Variants in BACH1 observed in about 807,000 individuals in gnomAD.
The protein encoded by BACH1 is transcription regulator protein BACH1.
A neutral mutation model predicts 52.9 loss-of-function variants in BACH1; 35 were observed. That is an observed-to-expected ratio of 0.66 (90% CI 0.51 to 0.88). The LOEUF is 0.88. Ranked by LOEUF, BACH1 falls within the 40% of genes least tolerant of loss-of-function variation. BACH1 has a pLI of 0.00. For synonymous variants in BACH1, 321 were observed against 319.6 expected (o/e 1.00, Z -0.05); for missense variants, 808 against 872.6 (o/e 0.93, Z 0.93).
intron 2 of BACH1, among the ~76,000 whole-genome samples, chr21:29,324,418 T>C (rs2088885342): frequency 6.6e-6 from 1 of 152,218 alleles, no homozygotes; most frequent in East Asian, 1.9e-4. Flanking sequence ...ATTCTAAAAA[T>C]GTTATATAAA....
Position 29,358,744 on chromosome 21 carries a change from AAAAAG to A in BACH1, c.472+29080_472+29084del, listed in dbSNP as rs758608393. 2.6e-3 allele frequency among the ~76,000 whole-genome samples: 367 copies of A among 139,708 alleles called. 4 individuals carry two copies. The highest frequency in any genetic ancestry group is 3.5e-3 in the African/African-American group (129 of 36,782). The allele number at this position is 139,708 out of a possible 152,430, so 91.7% of individuals were successfully genotyped here. ...GACAGAGTGAGACTCTGTCTCAGAA[AAAAAG>A]AAAAGAAAAGAAAAGAAAAGAAAAG... is the stretch of plus-strand genomic sequence containing the variant. On this transcript the variant is annotated intron_variant, in intron 2 of 4. Transcript: ENST00000422809.
chr21:29,337,480 T>C (rs556107842), intron 4 of BACH1, among the ~76,000 whole-genome samples: 1 of 152,346 alleles, frequency 6.6e-6, no homozygotes, highest in South Asian at 2.1e-4. Context: ...TCTTCACTTC[T>C]GTGTTTATGT....
Position 29,351,707 on chromosome 21 carries a change from G to T in BACH1, c.472+22014G>T, listed in dbSNP as rs560568327. On this transcript the variant is annotated intron_variant, in intron 2 of 4. Transcript: ENST00000422809. ...AGAACTCTGGATACCTGCTCAGACAGCTCTGTTTCAGCTAAACAGTAACAT... is the reference window on the plus strand; with the variant it reads ...AGAACTCTGGATACCTGCTCAGACATCTCTGTTTCAGCTAAACAGTAACAT... The T allele has an allele frequency of 2.0e-4, 109 of 534,730 alleles. 1 individual carries two copies. The highest frequency in any genetic ancestry group is 1.5e-3 in the South Asian group (104 of 71,596). 33.1% of individuals were successfully genotyped at this position (534,730 alleles called of 1,614,324 possible). A position where few individuals can be genotyped will look rare whatever the true frequency, so the allele number is the denominator to read the frequency against.
chr21:29,339,572 T>C (rs2089086841), intron 4 of BACH1, among the ~76,000 whole-genome samples: 1 of 151,890 alleles, frequency 6.6e-6, no homozygotes, highest in African/African-American at 2.4e-5. Context: ...TTTAAAAAAA[T>C]TATATTTGAA....
chr21:29,313,216 A>G (rs979137796), intron 1 of BACH1, among the ~76,000 whole-genome samples: 1 of 152,214 alleles, frequency 6.6e-6, no homozygotes, highest in African/African-American at 2.4e-5. Context: ...AGGTCCATGC[A>G]TGATTTTCAT....
chr21:29,300,245 T>C (rs1465401511), intron 1 of BACH1: 2 of 152,240 alleles, frequency 1.3e-5, no homozygotes, highest in African/African-American at 2.4e-5. Flanking sequence ...TATGTTTCTG[T>C]CAAGTGGTTT....
At position 29,335,420 on chromosome 21, in the gene BACH1, A is replaced by G. The variant is rs538013439; in HGVS notation, c.1776+5727A>G. On this transcript the variant is annotated intron_variant, in intron 4 of 4. Transcript: ENST00000286800. ...TATAAGTATTTGCTGGTGACCCTAC[A>G]TGTTAAATGTTGTGCTTGGTACCAG... Among the ~76,000 whole-genome samples, 18 of 152,332 alleles carry G rather than the reference A, an allele frequency of 1.2e-4. No homozygotes were observed. The South Asian group carries it at 3.7e-3, about 32-fold the overall frequency.
At chr21:29,327,449 C>A (rs2088927133) in intron 3 of BACH1, 56 bp downstream of exon 3, 8 of 1,554,720 alleles carry the variant, frequency 5.1e-6, no homozygotes, top group Non-Finnish European at 6.9e-6. Context: ...TTGGGATTTA[C>A]TGTGGATCAG....
At chr21:29,347,135 G>A (rs779644526), downstream of BACH1, among the ~76,000 whole-genome samples, 5 of 152,222 alleles carry the variant, frequency 3.3e-5, no homozygotes, top group Admixed American at 6.5e-5. Context: ...CCTGGCCAGA[G>A]TTTTGAACCA....
At chr21:29,331,607 C>G (rs1453276834) in intron 4 of BACH1, among the ~76,000 whole-genome samples, 1 of 152,156 alleles carries the variant, frequency 6.6e-6, no homozygotes, top group Non-Finnish European at 1.5e-5. Context: ...TTTCTTCTCC[C>G]TCTGCCTTTC....
downstream of BACH1, among the ~76,000 whole-genome samples, chr21:29,347,238 A>G (rs1259295192): frequency 6.6e-6 from 1 of 152,182 alleles, no homozygotes; most frequent in Non-Finnish European, 1.5e-5. Flanking sequence ...TGAACCTGCT[A>G]AAAGTGCATT....
chr21:29,353,261 G>C (rs1321887289), intron 2 of BACH1, among the ~76,000 whole-genome samples: 1 of 152,162 alleles, frequency 6.6e-6, no homozygotes, highest in Non-Finnish European at 1.5e-5. Context: ...TGGCTAAGTT[G>C]TAAGTAAAAA....
chr21:29,313,733 T>C (rs1315418753), intron 1 of BACH1, among the ~76,000 whole-genome samples: 1 of 152,216 alleles, frequency 6.6e-6, no homozygotes, highest in African/African-American at 2.4e-5. Context: ...TATGTGATTC[T>C]ATTTGTATAA....
At chr21:29,354,271 G>C (rs1266919179) in intron 2 of BACH1, among the ~76,000 whole-genome samples, 1 of 152,002 alleles carries the variant, frequency 6.6e-6, no homozygotes, top group Non-Finnish European at 1.5e-5. Flanking sequence ...AGTCAGGAGA[G>C]GGGTGAGAAG....
intron 1 of BACH1, among the ~76,000 whole-genome samples, chr21:29,310,703 A>G (rs974336493): frequency 1.3e-5 from 2 of 152,236 alleles, no homozygotes; most frequent in African/African-American, 2.4e-5. Flanking sequence ...GGAATGATCA[A>G]CTTGTTAACT....
chr21:29,306,169 AGTGTGTGT>A (rs61571512), intron 1 of BACH1, among the ~76,000 whole-genome samples: 6,610 of 141,252 alleles, frequency 0.047, 153 homozygotes, highest in African/African-American at 0.054. Flanking sequence ...GGTCAGGAAG[AGTGTGTGT>A]GTGTGTGTGT....
At chr21:29,351,244 G>C (rs532464853) in intron 2 of BACH1, among the ~76,000 whole-genome samples, 1 of 152,222 alleles carries the variant, frequency 6.6e-6, no homozygotes, top group Non-Finnish European at 1.5e-5. Flanking sequence ...TTGATATGCA[G>C]GTTTCCCATG....
At chr21:29,311,978 T>C (rs2088728817) in intron 1 of BACH1, among the ~76,000 whole-genome samples, 1 of 152,264 alleles carries the variant, frequency 6.6e-6, no homozygotes, top group African/African-American at 2.4e-5. Context: ...CCTCAAGTTA[T>C]AAAGTGCTAT....
intron 1 of BACH1, among the ~76,000 whole-genome samples, chr21:29,317,326 G>A (rs2088799132): frequency 6.6e-6 from 1 of 152,204 alleles, no homozygotes; most frequent in African/African-American, 2.4e-5. Context: ...TAATTCAGCA[G>A]CATGTACCTG....
Sources: gnomAD v4.1 joint callset for allele counts (sites outside exome capture counted in the v4.1 genomes callset) on GRCh38, gnomAD v4.1.1 for gene constraint, MANE v1.5 for transcripts, NCBI Gene and HGNC (gene_info 2026-07-23, HGNC 2026-07-21) for gene names.